TSC1: variants seen among roughly 807,000 people sequenced by gnomAD.
TSC1 encodes TSC complex subunit 1.
In TSC1, 20 loss-of-function variants were observed where a neutral mutation model predicts 124.3. The observed-to-expected ratio is 0.16, with a 90% confidence interval of 0.11 to 0.23. The LOEUF is 0.23. Ranked by LOEUF, TSC1 falls within the 10% of genes least tolerant of loss-of-function variation. TSC1 has a pLI of 1.00. For synonymous variants in TSC1, 493 were observed against 539.1 expected, an observed-to-expected ratio of 0.91 and a Z score of 1.19; for missense variants, 1,124 against 1,448.5, an observed-to-expected ratio of 0.78 and a Z score of 3.64.
chr9:132,906,751 A>G lies in TSC1; in HGVS notation c.1418T>C (p.Ile473Thr), dbSNP rs185159716. The change falls in exon 14 of 23, where the codon ATT (isoleucine) becomes ACT (threonine). Residue 473 changes from isoleucine to threonine, a missense_variant. Coordinates refer to ENST00000298552, the MANE Select transcript of TSC1 (RefSeq NM_000368.5). The surrounding 1 kb of genome is among the most constrained non-coding windows in gnomAD (Gnocchi z 4.1). The part of the protein sequence containing the change: ...LGDLASEEDS[I>T]EKDKEEAAIS... ...ATTACCTTCTTCTTTATCTTTTTCA[A>G]TACTATCTTCTTCAGAGGCCAGATC... The G allele has an allele frequency of 3.1e-6, 5 of 1,614,038 alleles. No individual in the cohort carries two copies. In the African/African-American group the frequency reaches 4.0e-5, roughly 13 times the overall value.
Position 132,896,667 on chromosome 9 carries a change from G to T in TSC1, c.3063C>A (p.Pro1021=). The T allele has an allele frequency of 2.5e-6, 4 of 1,614,068 alleles. No individual in the cohort carries two copies. The highest frequency in any genetic ancestry group is 3.4e-6 in the Non-Finnish European group (4 of 1,180,016). The change falls in exon 23 of 23, where the codon CCC becomes CCA. Residue 1021 remains proline (P), a synonymous_variant. Coordinates refer to ENST00000298552, the MANE Select transcript of TSC1 (RefSeq NM_000368.5). The surrounding 1 kb of genome is among the most constrained non-coding windows in gnomAD (Gnocchi z 4.5). ...TACTGCCCCGGGCGCTGCTGGGCCT[G>T]GGGGTCTTGGTCTCACCGTTGTGGC... is the stretch of plus-strand genomic sequence containing the variant. The part of the protein sequence containing the change: ...ASGHNGETKT[P]RPSSARGSSG...
At chr9:132,942,951 C>T (rs1199551265) in intron 1 of TSC1, among the ~76,000 whole-genome samples, 2 of 152,158 alleles carry the variant, frequency 1.3e-5, no homozygotes, top group Non-Finnish European at 2.9e-5. Flanking sequence ...CCTACACAAC[C>T]CTAAATCAGT....
Position 132,893,817 on chromosome 9 carries a change from C to T in TSC1, c.*2418G>A, listed in dbSNP as rs114415181. ...CTTTGCCCAGGACTGAATTGCCTCT[C>T]GAGAGTAATACTGTCACCTTTCCAT... is the stretch of plus-strand genomic sequence containing the variant. On this transcript the variant is annotated 3_prime_UTR_variant, in exon 23 of 23. Transcript: ENST00000298552. 0.01 allele frequency: 2,373 copies of T among 233,298 alleles called. 45 individuals carry two copies. Among genetic ancestry groups the T allele is most frequent in the African/African-American group, 0.035 (1,597 of 45,452 alleles). The allele number at this position is 233,298 out of a possible 1,614,324, so 14.5% of individuals were successfully genotyped here. A position where few individuals can be genotyped will look rare whatever the true frequency, so the allele number is the denominator to read the frequency against.
chr9:132,939,374 T>G (rs1442652043), intron 1 of TSC1: 1 of 152,246 alleles, frequency 6.6e-6, no homozygotes, highest in Non-Finnish European at 1.5e-5. Context: ...CATGTGTGAT[T>G]GAATAGGTCT....
chr9:132,913,595 G>A (rs1354885399), intron 8 of TSC1, among the ~76,000 whole-genome samples: 2 of 152,084 alleles, frequency 1.3e-5, no homozygotes, highest in Non-Finnish European at 2.9e-5. Flanking sequence ...GGGAGGCTGA[G>A]GCGGACGGAT....
rs79470094 is a variant in TSC1 at position 132,891,472 on chromosome 9, A to T, written c.*4763T>A. On this transcript the variant is annotated 3_prime_UTR_variant, in exon 23 of 23. Transcript: ENST00000298552. ...TCCAATTCCCATTCACTAAGATTGT[A>T]CCATTTTATCCTGCAGTTCATATTT... The T allele has an allele frequency of 4.7e-5, 11 of 233,596 alleles. No individual in the cohort carries two copies. Among genetic ancestry groups the T allele is most frequent in the Middle Eastern group, 1.3e-3 (1 of 786 alleles). The allele number at this position is 233,596 out of a possible 1,614,324, so 14.5% of individuals were successfully genotyped here. A position where few individuals can be genotyped will look rare whatever the true frequency, so the allele number is the denominator to read the frequency against.
Position 132,891,351 on chromosome 9 carries a change from G to A in TSC1, c.*4884C>T, listed in dbSNP as rs1484267111. 8.7e-6 allele frequency: 2 copies of A among 229,706 alleles called. No homozygotes were observed. The highest frequency in any genetic ancestry group is 1.7e-5 in the Non-Finnish European group (2 of 115,660). The allele number at this position is 229,706 out of a possible 1,614,324, so 14.2% of individuals were successfully genotyped here. On this transcript the variant is annotated 3_prime_UTR_variant, in exon 23 of 23. Transcript: ENST00000298552. ...CACTCCATGTCCACACAGCAGAGTA[G>A]TGCAAAACAATAAATTTTTATTTGT...
chr9:132,904,487 C>A, intron 15 of TSC1, 33 bp from the exon 16 acceptor site: 1 of 1,610,828 alleles, frequency 6.2e-7, no homozygotes, highest in South Asian at 1.1e-5. Flanking sequence ...ACAAAGTTAC[C>A]GATCTTACCA....
At chr9:132,919,022 G>T (rs973127581) in intron 8 of TSC1, among the ~76,000 whole-genome samples, 3 of 152,218 alleles carry the variant, frequency 2.0e-5, no homozygotes, top group Non-Finnish European at 4.4e-5. Flanking sequence ...TGCATCATTA[G>T]GCAATTTCTT....
At position 132,893,692 on chromosome 9, in the gene TSC1, A is replaced by C. The variant is rs1427560829; in HGVS notation, c.*2543T>G. Reference sequence around the variant, plus strand: ...GAGACAGGTATGCTCACCCATAGTGATTTCTGGATGGAGGCCATCCAATCC... The same window carrying C: ...GAGACAGGTATGCTCACCCATAGTGCTTTCTGGATGGAGGCCATCCAATCC... On this transcript the variant is annotated 3_prime_UTR_variant, in exon 23 of 23. Coordinates refer to ENST00000298552, the MANE Select transcript of TSC1 (RefSeq NM_000368.5). 7 of 233,094 alleles carry C rather than the reference A, an allele frequency of 3.0e-5. No homozygotes were observed. Among genetic ancestry groups the C allele is most frequent in the African/African-American group, 1.5e-4 (7 of 45,338 alleles). The allele number at this position is 233,094 out of a possible 1,614,324, so 14.4% of individuals were successfully genotyped here.
upstream of TSC1, chr9:132,944,687 A>G (rs569842500): frequency 2.5e-6 from 1 of 398,362 alleles, no homozygotes; most frequent in East Asian, 3.6e-5. Flanking sequence ...CCCCCTCCGG[A>G]CCTCCCCTCC....
At chr9:132,942,815 A>G (rs889212574) in intron 1 of TSC1, among the ~76,000 whole-genome samples, 3 of 152,106 alleles carry the variant, frequency 2.0e-5, no homozygotes, top group African/African-American at 7.2e-5. Flanking sequence ...TTCTATAAAT[A>G]CCCCTTAAGT....
intron 8 of TSC1, among the ~76,000 whole-genome samples, chr9:132,916,376 T>C (rs751483469): frequency 2.6e-5 from 4 of 152,230 alleles, no homozygotes; most frequent in Non-Finnish European, 5.9e-5. Context: ...CTAAAGAATA[T>C]GCCCTGTGCT....
At chr9:132,917,516 G>A (rs1270498317) in intron 8 of TSC1, among the ~76,000 whole-genome samples, 2 of 152,124 alleles carry the variant, frequency 1.3e-5, no homozygotes, top group Non-Finnish European at 2.9e-5. Context: ...AGTTTTAGTA[G>A]AGAGGAGGTT....
chr9:132,912,617 C>A (rs1846031483), intron 8 of TSC1, 160 bp from the exon 9 acceptor site: 3 of 763,790 alleles, frequency 3.9e-6, no homozygotes, highest in South Asian at 3.1e-5. Context: ...AAAGAAATAG[C>A]CATTCATTTT....
At chr9:132,910,915 T>G (rs1322224921) in intron 11 of TSC1, 87 bp downstream of exon 11, 4 of 1,364,198 alleles carry the variant, frequency 2.9e-6, no homozygotes, top group East Asian at 2.3e-5. Context: ...CAACAGCAAG[T>G]GGTCCCTTAG....
At chr9:132,927,363 T>G in intron 3 of TSC1, 59 bp from the exon 4 acceptor site, 1 of 1,499,428 alleles carries the variant, frequency 6.7e-7, no homozygotes, top group Non-Finnish European at 9.2e-7. Flanking sequence ...TAAATTTACC[T>G]TACACAGCTT....
chr9:132,944,626 C>G, upstream of TSC1: 1 of 398,904 alleles, frequency 2.5e-6, no homozygotes, highest in Non-Finnish European at 4.4e-6. Flanking sequence ...CAGCACCTCC[C>G]CCGTCGTGAA....
chr9:132,897,613 G>C lies in TSC1; in HGVS notation c.2626-3C>G. The C allele has an allele frequency of 2.2e-6, 3 of 1,356,902 alleles. No homozygotes were observed. The highest frequency in any genetic ancestry group is 2.9e-6 in the Non-Finnish European group (3 of 1,041,612). 84.1% of individuals were successfully genotyped at this position (1,356,902 alleles called of 1,614,324 possible). A position where few individuals can be genotyped will look rare whatever the true frequency, so the allele number is the denominator to read the frequency against. ...GCGGCTTTCATCATTTCTACTTCCT[G>C]AAAAAAAAAAAAAAAAAAGACTGGA... On this transcript the variant is annotated splice_region_variant and splice_polypyrimidine_tract_variant and intron_variant, in intron 20 of 22. Coordinates refer to ENST00000298552, the MANE Select transcript of TSC1 (RefSeq NM_000368.5).
Sources: gnomAD v4.1 joint callset for allele counts (sites outside exome capture counted in the v4.1 genomes callset) on GRCh38, gnomAD v4.1.1 for gene constraint, Gnocchi (gnomAD v3.1) non-coding constraint, MANE v1.5 for transcripts, NCBI Gene and HGNC (gene_info 2026-07-23, HGNC 2026-07-21) for gene names.